Variants in CTNNA2 observed in about 807,000 individuals in gnomAD.
CTNNA2 encodes the protein catenin alpha-2.
In CTNNA2, 42 loss-of-function variants were observed where a neutral mutation model predicts 101.0. That is an observed-to-expected ratio of 0.42 (90% CI 0.32 to 0.54). The LOEUF is 0.54. Ranked by LOEUF, CTNNA2 falls within the 20% of genes least tolerant of loss-of-function variation. The pLI is 0.14. For missense variants in CTNNA2, 871 were observed against 1,223.1 expected (o/e 0.71, Z 4.29); for synonymous variants, 450 against 456.4 (o/e 0.99, Z 0.18).
intron 7 of CTNNA2, among the ~76,000 whole-genome samples, chr2:80,016,929 A>C (rs1694190761): frequency 6.6e-6 from 1 of 152,246 alleles, no homozygotes; most frequent in East Asian, 1.9e-4. Flanking sequence ...ATTAAGGTGA[A>C]TATATGATTA....
chr2:80,524,841 TCTA>T (rs1434272514), intron 9 of CTNNA2, among the ~76,000 whole-genome samples: 1 of 152,178 alleles, frequency 6.6e-6, no homozygotes, highest in Non-Finnish European at 1.5e-5. Flanking sequence ...AGCATAGATC[TCTA>T]CTGTAGCACG....
intron 7 of CTNNA2, among the ~76,000 whole-genome samples, chr2:80,075,924 G>C (rs1392055923): frequency 6.6e-6 from 1 of 151,528 alleles, no homozygotes; most frequent in Non-Finnish European, 1.5e-5. Context: ...CTAGTTACAA[G>C]CATGTGTACC....
At chr2:79,788,377 A>T (rs905995638) in intron 3 of CTNNA2, among the ~76,000 whole-genome samples, 1 of 152,114 alleles carries the variant, frequency 6.6e-6, no homozygotes, top group African/African-American at 2.4e-5. Flanking sequence ...GAGAGGTAGG[A>T]ATATAGAGGA....
At chr2:79,896,212 G>A (rs191844532) in intron 6 of CTNNA2, among the ~76,000 whole-genome samples, 60 of 152,178 alleles carry the variant, frequency 3.9e-4, no homozygotes, top group Admixed American at 1.8e-3. Flanking sequence ...GAGCCTGGCA[G>A]GCAGAAATTG....
At chr2:79,485,661 C>A (rs1196216206) in intron 4 of CTNNA2, among the ~76,000 whole-genome samples, 1 of 152,186 alleles carries the variant, frequency 6.6e-6, no homozygotes, top group Non-Finnish European at 1.5e-5. Context: ...GCTTTCTCTA[C>A]CCAGTAGCCT....
chr2:80,631,863 A>G (rs1672330009), intron 18 of CTNNA2, among the ~76,000 whole-genome samples: 2 of 152,138 alleles, frequency 1.3e-5, no homozygotes, highest in Non-Finnish European at 2.9e-5. Context: ...TGATGCGCCT[A>G]AAGTGATGTA....
At position 79,871,600 on chromosome 2, in the gene CTNNA2, A is replaced by G. The variant is rs191038314; in HGVS notation, c.585+1665A>G. Among the ~76,000 whole-genome samples the G allele has an allele frequency of 2.2e-4, 33 of 152,236 alleles. No homozygotes were observed. The East Asian group carries it at 4.3e-3, about 20-fold the overall frequency. On this transcript the variant is annotated intron_variant, in intron 5 of 18. Coordinates refer to ENST00000402739, the MANE Select transcript of CTNNA2 (RefSeq NM_001282597.3). ...TCTGTCGTTGCCCCCAGCCGACTGG[A>G]TGGTACCCACCTACACTGAGGGTGA...
At chr2:79,659,071 A>G (rs1349594057) in intron 2 of CTNNA2, among the ~76,000 whole-genome samples, 5 of 152,166 alleles carry the variant, frequency 3.3e-5, no homozygotes, top group Non-Finnish European at 4.4e-5. Flanking sequence ...GTGAGTCACA[A>G]CAATAGTTCA....
chr2:80,239,912 CAA>C (rs56873382), intron 7 of CTNNA2, among the ~76,000 whole-genome samples: 1,785 of 139,738 alleles, frequency 0.013, 39 homozygotes, highest in African/African-American at 0.042. Context: ...GACTCCATCT[CAA>C]AAAAAAAAAC....
intron 4 of CTNNA2, among the ~76,000 whole-genome samples, chr2:79,404,084 T>C (rs1678316294): frequency 6.6e-6 from 1 of 151,768 alleles, no homozygotes; most frequent in Non-Finnish European, 1.5e-5. Flanking sequence ...TTTACTCACA[T>C]ACAGTTGCTT....
At chr2:80,369,515 C>T (rs1165892476) in intron 7 of CTNNA2, among the ~76,000 whole-genome samples, 2 of 152,026 alleles carry the variant, frequency 1.3e-5, no homozygotes, top group African/African-American at 4.8e-5. Flanking sequence ...AAATGGCTCT[C>T]AAAGGATATC....
At chr2:79,544,591 G>T (rs928595080) in intron 1 of CTNNA2, among the ~76,000 whole-genome samples, 1 of 152,136 alleles carries the variant, frequency 6.6e-6, no homozygotes, top group Admixed American at 6.5e-5. Flanking sequence ...TTTTATGAAA[G>T]TGCAGGGACA....
At chr2:80,199,889 G>C (rs1219425707) in intron 7 of CTNNA2, among the ~76,000 whole-genome samples, 2 of 152,202 alleles carry the variant, frequency 1.3e-5, no homozygotes, top group African/African-American at 4.8e-5. Context: ...GGAATTGTGT[G>C]AGATCTGCCT....
chr2:80,635,731 T>C (rs886397298), intron 18 of CTNNA2, among the ~76,000 whole-genome samples: 23 of 152,128 alleles, frequency 1.5e-4, no homozygotes, highest in African/African-American at 5.3e-4. Flanking sequence ...TAAATGGTTT[T>C]ATGATGATTG....
rs61029469 is a variant in CTNNA2, at chr2:79,536,574, A to AGTGTGTGTGTGTGTGTGT, written c.-6+23378_-6+23395dup. Among the ~76,000 whole-genome samples, 36 of 146,806 alleles carry AGTGTGTGTGTGTGTGTGT rather than the reference A, an allele frequency of 2.5e-4. 1 individual carries two copies. The highest frequency in any genetic ancestry group is 4.0e-4 in the East Asian group (2 of 4,950). ...ATATACACCTAAATATCTCTAAAGA[A>AGTGTGTGTGTGTGTGTGT]GTGTGTGTGTGTGTGTGTGTGTGTG... is the stretch of plus-strand genomic sequence containing the variant. On this transcript the variant is annotated intron_variant, in intron 1 of 18. Transcript: ENST00000402739.
chr2:79,554,820 GT>G (rs1477391974), intron 1 of CTNNA2, among the ~76,000 whole-genome samples: 1 of 152,108 alleles, frequency 6.6e-6, no homozygotes, highest in Non-Finnish European at 1.5e-5. Context: ...CATGGTCATA[GT>G]TTTCTTATGT....
intron 7 of CTNNA2, among the ~76,000 whole-genome samples, chr2:80,164,535 C>T (rs770883815): frequency 2.0e-5 from 3 of 151,988 alleles, no homozygotes; most frequent in Non-Finnish European, 4.4e-5. Context: ...TTTGCTTCAA[C>T]CATCAAATAT....
chr2:80,274,502 A>G (rs1027374712), intron 7 of CTNNA2, among the ~76,000 whole-genome samples: 3 of 152,112 alleles, frequency 2.0e-5, no homozygotes, highest in African/African-American at 7.2e-5. Context: ...CTCTGCTTCT[A>G]TTCTTCTCTT....
intron 7 of CTNNA2, among the ~76,000 whole-genome samples, chr2:80,267,120 C>T (rs1259975697): frequency 1.3e-5 from 2 of 152,078 alleles, no homozygotes; most frequent in East Asian, 3.9e-4. Flanking sequence ...TCCCTGAGGG[C>T]TATATTAGGC....
Sources: gnomAD v4.1 joint callset for allele counts (sites outside exome capture counted in the v4.1 genomes callset) on GRCh38, gnomAD v4.1.1 for gene constraint, MANE v1.5 for transcripts, NCBI Gene and HGNC (gene_info 2026-07-23, HGNC 2026-07-21) for gene names.